HELZ: variants seen among roughly 807,000 people sequenced by gnomAD.
HELZ encodes the protein ATP-dependent RNA helicase with zinc finger domain.
Under a neutral mutation model 218.2 loss-of-function variants are expected in HELZ, and 23 were observed. That is an observed-to-expected ratio of 0.11 (90% CI 0.08 to 0.15). HELZ has a LOEUF of 0.15. Ranked by LOEUF, HELZ falls within the 10% of genes least tolerant of loss-of-function variation. The pLI is 1.00. For missense variants in HELZ, 1,813 were observed against 2,353.7 expected, an observed-to-expected ratio of 0.77 and a Z score of 4.75; for synonymous variants, 814 against 829.4, an observed-to-expected ratio of 0.98 and a Z score of 0.32.
At position 67,188,261 on chromosome 17, in the gene HELZ, T is replaced by C. The variant is rs566664983; in HGVS notation, c.1162+58A>G. 16 of 1,477,272 alleles carry C rather than the reference T, an allele frequency of 1.1e-5. No homozygotes were observed. In the Admixed American group the frequency reaches 2.2e-4, roughly 21 times the overall value. The allele number at this position is 1,477,272 out of a possible 1,614,324, so 91.5% of individuals were successfully genotyped here. On this transcript the variant is annotated intron_variant, in intron 12 of 32. Coordinates refer to ENST00000358691, the MANE Select transcript of HELZ (RefSeq NM_014877.4). This position sits in a 1 kb window ranked among gnomAD's most constrained non-coding sequence, Gnocchi z 4.1. Reference sequence around the variant, plus strand: ...TGGAATATATTCAGGGGCCAATACATATCTTTGAATGTTGCTTTTTAACAC... The same window carrying C: ...TGGAATATATTCAGGGGCCAATACACATCTTTGAATGTTGCTTTTTAACAC...
At chr17:67,104,564 T>C (rs969612452) in intron 31 of HELZ, among the ~76,000 whole-genome samples, 1 of 151,864 alleles carries the variant, frequency 6.6e-6, no homozygotes, top group Admixed American at 6.6e-5. Flanking sequence ...ATAGATAAAT[T>C]GTAGTTTAGC....
chr17:67,093,232 G>C (rs2036628174), intron 31 of HELZ, among the ~76,000 whole-genome samples: 1 of 152,174 alleles, frequency 6.6e-6, no homozygotes, highest in Non-Finnish European at 1.5e-5. Flanking sequence ...AAGAACTCTT[G>C]TGAGTTTAAA....
rs536072799 is a variant in HELZ at position 67,103,192 on chromosome 17, C to T, written c.5241+3977G>A. On this transcript the variant is annotated intron_variant, in intron 31 of 32. Coordinates refer to ENST00000358691, the MANE Select transcript of HELZ (RefSeq NM_014877.4). ...AAAAACAGAAAAAAATTGGCAAAAG[C>T]TGTCATAATCCATTTTTTGGGAACC... Among the ~76,000 whole-genome samples the T allele has an allele frequency of 2.0e-5, 3 of 152,186 alleles. No individual in the cohort carries two copies. The East Asian group carries it at 5.8e-4, about 29-fold the overall frequency.
intron 3 of HELZ, among the ~76,000 whole-genome samples, chr17:67,230,973 TATAA>T (rs1013802546): frequency 6.6e-6 from 1 of 152,202 alleles, no homozygotes; most frequent in Non-Finnish European, 1.5e-5. Context: ...AAAAACAGAT[TATAA>T]ATAATGGTCA....
intron 5 of HELZ, among the ~76,000 whole-genome samples, chr17:67,209,666 A>G (rs1262164183): frequency 6.6e-6 from 1 of 152,190 alleles, no homozygotes; most frequent in Non-Finnish European, 1.5e-5. Context: ...GCAAAGCAAC[A>G]TGCCCTTTCA....
rs148286818 is a variant in HELZ at position 67,107,226 on chromosome 17, T to A, written c.5184A>T (p.Pro1728=). ...CTGTTCGAGATGACAATGGGTGAAA[T>A]GGCTCTTGACCAATAGCATGTTGAT... The part of the protein sequence containing the change: ...QNHQHAIGQE[P]FHPLSSRTVS... Residue 1728 remains proline, a synonymous_variant, in exon 31 of 33, where the codon CCA becomes CCT. Coordinates refer to ENST00000358691, the MANE Select transcript of HELZ (RefSeq NM_014877.4). The A allele has an allele frequency of 8.4e-5, 136 of 1,614,110 alleles. No individual in the cohort carries two copies. The African/African-American group carries it at 1.6e-3, about 19-fold the overall frequency.
At chr17:67,184,891 A>C (rs2039714073) in intron 12 of HELZ, among the ~76,000 whole-genome samples, 1 of 152,198 alleles carries the variant, frequency 6.6e-6, no homozygotes, top group Admixed American at 6.5e-5. Context: ...AGAATCACTA[A>C]GTTTCCTTGT....
chr17:67,154,365 T>C (rs1329450617), intron 17 of HELZ, among the ~76,000 whole-genome samples: 1 of 152,070 alleles, frequency 6.6e-6, no homozygotes, highest in African/African-American at 2.4e-5. Flanking sequence ...GGAGATGGAG[T>C]CTGCAGTGAG....
rs554616568 is a variant in HELZ, at chr17:67,118,296, C to T, written c.3838+2109G>A. ...AACAAATAGTGCTGGAATCACTGAA[C>T]ATACATATACAAAACTAAAACAAAA... On this transcript the variant is annotated intron_variant, in intron 27 of 32. Transcript: ENST00000358691. Among the ~76,000 whole-genome samples the T allele has an allele frequency of 1.5e-4, 23 of 152,242 alleles. No individual in the cohort carries two copies. In the South Asian group the frequency reaches 1.7e-3, roughly 11 times the overall value.
chr17:67,182,611 C>T (rs193211172), intron 12 of HELZ, among the ~76,000 whole-genome samples: 16 of 152,250 alleles, frequency 1.1e-4, no homozygotes, highest in Middle Eastern at 6.8e-3. Flanking sequence ...CTGAGATGTG[C>T]TAGGCAAAAA....
chr17:67,239,657 A>C (rs1419684404), intron 2 of HELZ, 168 bp from the exon 3 acceptor site: 1 of 152,244 alleles, frequency 6.6e-6, no homozygotes, highest in African/African-American at 2.4e-5. Flanking sequence ...TCTTGAGATA[A>C]GCCTCCAAAG....
At position 67,182,599 on chromosome 17, in the gene HELZ, C is replaced by T. The variant is rs149685960; in HGVS notation, c.1163-3673G>A. The stretch of plus-strand genomic sequence containing the variant: ...AATTACAGACCTATGGAATGTGTTA[C>T]CCTGAGATGTGCTAGGCAAAAACTA... On this transcript the variant is annotated intron_variant, in intron 12 of 32. Transcript: ENST00000358691. Among the ~76,000 whole-genome samples, 5 of 152,244 alleles carry T rather than the reference C, an allele frequency of 3.3e-5. No individual in the cohort carries two copies. In the East Asian group the frequency reaches 7.7e-4, roughly 23 times the overall value.
At chr17:67,230,538 A>G (rs890975216) in intron 3 of HELZ, among the ~76,000 whole-genome samples, 3 of 140,756 alleles carry the variant, frequency 2.1e-5, no homozygotes, top group African/African-American at 8.0e-5. Flanking sequence ...CAGAGGTTGC[A>G]GTGAGCTAAG....
intron 27 of HELZ, among the ~76,000 whole-genome samples, chr17:67,118,791 A>G (rs2037508860): frequency 6.6e-6 from 1 of 151,952 alleles, no homozygotes; most frequent in South Asian, 2.1e-4. Context: ...ATGTATAAAG[A>G]ACTCTTATAA....
intron 1 of HELZ, chr17:67,244,797 A>C: frequency 1.0e-6 from 1 of 985,110 alleles, no homozygotes; most frequent in Non-Finnish European, 1.2e-6. Flanking sequence ...ACGTGCCGGG[A>C]GGCTCGAGTC....
At position 67,109,252 on chromosome 17, in the gene HELZ, C is replaced by A; in HGVS notation, c.4353G>T (p.Glu1451Asp). Reference protein sequence around the residue: ...QSPPAEAVIPEQQPPPMLQEG... With the variant: ...QSPPAEAVIPDQQPPPMLQEG... The stretch of plus-strand genomic sequence containing the variant: ...CTTGCAGCATGGGAGGGGGCTGCTG[C>A]TCCGGAATTACAGCTTCTGCAGGAG... The change falls in exon 29 of 33, where the codon GAG (glutamate) becomes GAT (aspartate). Residue 1451 changes from glutamate to aspartate, a missense_variant. Transcript: ENST00000358691. The A allele has an allele frequency of 1.9e-6, 3 of 1,614,086 alleles. No individual in the cohort carries two copies. Among genetic ancestry groups the A allele is most frequent in the Non-Finnish European group, 2.5e-6 (3 of 1,180,018 alleles).
chr17:67,136,583 T>C lies in HELZ; in HGVS notation c.2954-385A>G, dbSNP rs534268194. ...GACAGAGGAATGGATCAACAGAATG[T>C]GGCATATACATACAATAGATTATTC... On this transcript the variant is annotated intron_variant, in intron 22 of 32. Coordinates refer to ENST00000358691, the MANE Select transcript of HELZ (RefSeq NM_014877.4). Among the ~76,000 whole-genome samples the C allele has an allele frequency of 3.3e-5, 5 of 152,328 alleles. No homozygotes were observed. The South Asian group carries it at 1.0e-3, about 32-fold the overall frequency.
chr17:67,161,330 T>A (rs866106238), intron 15 of HELZ, among the ~76,000 whole-genome samples: 4 of 152,340 alleles, frequency 2.6e-5, no homozygotes, highest in South Asian at 2.1e-4. Context: ...GTAACTAATC[T>A]AAGGAAATCA....
intron 31 of HELZ, among the ~76,000 whole-genome samples, chr17:67,100,271 A>G (rs1025784949): frequency 2.0e-5 from 3 of 152,230 alleles, no homozygotes; most frequent in African/African-American, 4.8e-5. Context: ...TAGATGGCTC[A>G]AAGTGTCTCT....
Sources: allele counts gnomAD v4.1 joint callset (sites outside exome capture counted in the v4.1 genomes callset), GRCh38; gene constraint gnomAD v4.1.1; non-coding constraint Gnocchi (gnomAD v3.1); transcripts MANE v1.5; gene names NCBI Gene and HGNC (gene_info 2026-07-23, HGNC 2026-07-21).